SRRM4: variants seen among roughly 807,000 people sequenced by gnomAD.
The protein encoded by SRRM4 is serine/arginine repetitive matrix 4.
SRRM4 carries 33 observed loss-of-function variants against 68.9 expected under a neutral mutation model. The observed-to-expected ratio is 0.48, with a 90% CI of 0.36 to 0.64. The LOEUF (loss-of-function observed/expected upper bound fraction) is 0.64. SRRM4 is among the 30% of genes least tolerant of loss of function. The pLI is 0.00. For synonymous variants in SRRM4, 318 were observed against 318.8 expected, an observed-to-expected ratio of 1.00 and a Z score of 0.03; for missense variants, 817 against 827.1, an observed-to-expected ratio of 0.99 and a Z score of 0.15.
intron 1 of SRRM4, among the ~76,000 whole-genome samples, chr12:119,092,830 A>C (rs191231633): frequency 8.5e-5 from 13 of 152,088 alleles, no homozygotes; most frequent in Admixed American, 3.3e-4. Context: ...ACCGAGAGGA[A>C]AGAGCCAAGT....
intron 10 of SRRM4, among the ~76,000 whole-genome samples, chr12:119,153,027 A>C (rs922860538): frequency 6.6e-6 from 1 of 152,192 alleles, no homozygotes; most frequent in Admixed American, 6.5e-5. Context: ...CCCATCTATA[A>C]AATGAAATTG....
chr12:118,985,037 A>G (rs940697962), intron 1 of SRRM4, among the ~76,000 whole-genome samples: 2 of 152,222 alleles, frequency 1.3e-5, no homozygotes, highest in Non-Finnish European at 2.9e-5. Flanking sequence ...TGTTTAGTAG[A>G]CATTGACTCT....
chr12:119,025,838 G>C (rs1282730155), intron 1 of SRRM4, among the ~76,000 whole-genome samples: 1 of 152,044 alleles, frequency 6.6e-6, no homozygotes, highest in African/African-American at 2.4e-5. Flanking sequence ...CAGACCTTGA[G>C]CCAAGGAAAA....
At chr12:119,130,073 A>G (rs1209524573) in intron 7 of SRRM4, among the ~76,000 whole-genome samples, 1 of 151,248 alleles carries the variant, frequency 6.6e-6, no homozygotes, top group Admixed American at 6.6e-5. Context: ...GGATGGATGG[A>G]TGGTTGGATG....
chr12:119,004,261 G>A (rs1953402623), intron 1 of SRRM4, among the ~76,000 whole-genome samples: 1 of 151,962 alleles, frequency 6.6e-6, no homozygotes, highest in Middle Eastern at 3.2e-3. Context: ...CCAGATCCAA[G>A]GTTTGTCATC....
At chr12:119,114,399 A>G in intron 3 of SRRM4, 35 bp downstream of exon 3, 1 of 1,552,844 alleles carries the variant, frequency 6.4e-7, no homozygotes, top group Non-Finnish European at 8.8e-7. Context: ...AACCTGTAAG[A>G]TGCAGGCAGG....
At position 119,063,196 on chromosome 12, in the gene SRRM4, A is replaced by T. The variant is rs557781722; in HGVS notation, c.132-39040A>T. On this transcript the variant is annotated intron_variant, in intron 1 of 12. Transcript: ENST00000267260. The stretch of plus-strand genomic sequence containing the variant: ...AACAAGCCACAGTCTCTTTCCCTAA[A>T]TAATTAGTAAGTTCCAGATTTAATG... Among the ~76,000 whole-genome samples the T allele has an allele frequency of 2.0e-5, 3 of 152,326 alleles. 1 individual carries two copies. The South Asian group carries it at 6.2e-4, about 32-fold the overall frequency.
At chr12:119,046,860 T>A (rs778360289) in intron 1 of SRRM4, among the ~76,000 whole-genome samples, 62 of 151,640 alleles carry the variant, frequency 4.1e-4, no homozygotes, top group Non-Finnish European at 5.0e-4. Flanking sequence ...TGAAACCCCG[T>A]CTCTACTAAA....
chr12:119,134,818 CCAGA>C (rs1440398359), intron 8 of SRRM4, among the ~76,000 whole-genome samples: 1 of 152,166 alleles, frequency 6.6e-6, no homozygotes, highest in Non-Finnish European at 1.5e-5. Context: ...AGAGTAAGGG[CCAGA>C]CAATGTTGTC....
chr12:119,026,800 G>A (rs1261840399), intron 1 of SRRM4, among the ~76,000 whole-genome samples: 4 of 152,078 alleles, frequency 2.6e-5, no homozygotes, highest in Non-Finnish European at 5.9e-5. Context: ...GCCTCCCAAA[G>A]TGCTGGGATT....
In SRRM4 at chr12:119,064,986, GC is replaced by G. The variant is rs531465435; in HGVS notation, c.132-37249del. 3.6e-3 allele frequency among the ~76,000 whole-genome samples: 553 copies of G among 152,184 alleles called. 6 individuals carry two copies. The highest frequency in any genetic ancestry group is 0.012 in the African/African-American group (493 of 41,514). The stretch of plus-strand genomic sequence containing the variant: ...CTGATAACAATACGAGTTATGATTT[GC>G]TTAGCATTTAACTAACATATACTAG... On this transcript the variant is annotated intron_variant, in intron 1 of 12. Coordinates refer to ENST00000267260, the MANE Select transcript of SRRM4 (RefSeq NM_194286.4).
chr12:119,114,223 T>G, intron 2 of SRRM4, 55 bp from the exon 3 acceptor site: 1 of 1,489,864 alleles, frequency 6.7e-7, no homozygotes, highest in Non-Finnish European at 9.3e-7. Context: ...CCAGCTCTGG[T>G]TGGGGAGTTG....
chr12:119,100,813 G>T (rs867037322), intron 1 of SRRM4, among the ~76,000 whole-genome samples: 3 of 152,212 alleles, frequency 2.0e-5, no homozygotes, highest in Admixed American at 6.5e-5. Context: ...ACATGGAAAG[G>T]TAACCCCCAT....
At chr12:119,044,550 C>T (rs1173411292) in intron 1 of SRRM4, among the ~76,000 whole-genome samples, 3 of 152,074 alleles carry the variant, frequency 2.0e-5, no homozygotes, top group Non-Finnish European at 4.4e-5. Context: ...GCTGTTGGTA[C>T]AGTGCCATGC....
chr12:119,135,098 G>T (rs1031051816), intron 8 of SRRM4, among the ~76,000 whole-genome samples: 5 of 152,160 alleles, frequency 3.3e-5, no homozygotes, highest in Non-Finnish European at 7.3e-5. Context: ...TAACAAAATT[G>T]GGAGAAAGGG....
intron 3 of SRRM4, 110 bp from the exon 4 acceptor site, chr12:119,116,827 T>C: frequency 1.3e-6 from 1 of 760,032 alleles, no homozygotes; most frequent in Non-Finnish European, 2.2e-6. Flanking sequence ...CTTTGATGTG[T>C]GTTCCTGCAA....
chr12:119,096,949 T>A (rs1343842726), intron 1 of SRRM4, among the ~76,000 whole-genome samples: 1 of 152,128 alleles, frequency 6.6e-6, no homozygotes, highest in Non-Finnish European at 1.5e-5. Flanking sequence ...ATCTGCCGGT[T>A]GCCATGACTA....
intron 1 of SRRM4, among the ~76,000 whole-genome samples, chr12:119,055,149 C>G (rs542985532): frequency 6.6e-6 from 1 of 152,110 alleles, no homozygotes; most frequent in East Asian, 1.9e-4. Flanking sequence ...AATTTATGCC[C>G]TCTGTGAAAT....
intron 1 of SRRM4, among the ~76,000 whole-genome samples, chr12:119,064,352 A>G (rs1953832600): frequency 6.6e-6 from 1 of 152,246 alleles, no homozygotes; most frequent in Non-Finnish European, 1.5e-5. Context: ...TTTCAAACAA[A>G]GGAATGAAGT....
Sources: gnomAD v4.1 joint callset for allele counts (sites outside exome capture counted in the v4.1 genomes callset) on GRCh38, gnomAD v4.1.1 for gene constraint, MANE v1.5 for transcripts, NCBI Gene and HGNC (gene_info 2026-07-23, HGNC 2026-07-21) for gene names.